Variants in USP48 observed in about 807,000 individuals in gnomAD.
USP48 encodes the protein ubiquitin specific peptidase 48, also known as ubiquitin carboxyl-terminal hydrolase 48.
In USP48, 43 loss-of-function variants were observed where a neutral mutation model predicts 150.7. The ratio of observed to expected loss-of-function variants is 0.29; its 90% confidence interval spans 0.22 to 0.37. USP48 has a LOEUF of 0.37. Among genes scored for constraint, USP48 ranks in the 10% least tolerant of loss-of-function variants. The probability of loss-of-function intolerance (pLI) is 1.00; values close to 1 mark genes in which losing one functional copy is unlikely to be tolerated. For synonymous variants in USP48, 396 were observed against 425.9 expected, an observed-to-expected ratio of 0.93 and a Z score of 0.86; for missense variants, 813 against 1,249.6, an observed-to-expected ratio of 0.65 and a Z score of 5.27.
At chr1:21,706,095 A>G in intron 18 of USP48, 31 bp downstream of exon 18, 1 of 1,605,908 alleles carries the variant, frequency 6.2e-7, no homozygotes, top group Non-Finnish European at 8.5e-7. Flanking sequence ...ATCAGTAACA[A>G]TAAAGGAAAT....
intron 6 of USP48, among the ~76,000 whole-genome samples, chr1:21,751,049 A>T (rs1182487015): frequency 6.6e-6 from 1 of 152,228 alleles, no homozygotes; most frequent in East Asian, 1.9e-4. Context: ...GCTTGACAAC[A>T]AAGGGTTCCT....
intron 3 of USP48, among the ~76,000 whole-genome samples, chr1:21,756,194 G>A (rs955295505): frequency 3.3e-5 from 5 of 150,986 alleles, no homozygotes; most frequent in African/African-American, 9.7e-5. Context: ...AATAAAATAA[G>A]TTTAGGCTAG....
intron 23 of USP48, among the ~76,000 whole-genome samples, chr1:21,690,510 T>TTCTTTC (rs2097595033): frequency 6.6e-6 from 1 of 151,434 alleles, no homozygotes; most frequent in South Asian, 2.1e-4. Flanking sequence ...AAATTCTTTC[T>TTCTTTC]TTTTTCTTTT....
chr1:21,755,578 AC>A (rs1557579010), intron 3 of USP48, among the ~76,000 whole-genome samples: 1 of 151,902 alleles, frequency 6.6e-6, no homozygotes, highest in Non-Finnish European at 1.5e-5. Flanking sequence ...ATAAAAAAAA[AC>A]CTTTTCTGTT....
chr1:21,773,966 C>T (rs1007277015), intron 1 of USP48, among the ~76,000 whole-genome samples: 3 of 151,954 alleles, frequency 2.0e-5, no homozygotes, highest in African/African-American at 7.3e-5. Context: ...AGCAAGACCC[C>T]ATCTCTATTT....
At chr1:21,764,180 G>C (rs1417401272) in intron 1 of USP48, among the ~76,000 whole-genome samples, 1 of 152,146 alleles carries the variant, frequency 6.6e-6, no homozygotes, top group Non-Finnish European at 1.5e-5. Flanking sequence ...GTTCACACCT[G>C]TAGTCCCAGC....
chr1:21,739,373 G>C (rs569692839), intron 8 of USP48, among the ~76,000 whole-genome samples: 2 of 151,996 alleles, frequency 1.3e-5, no homozygotes, highest in African/African-American at 2.4e-5. Flanking sequence ...ACAAAAATTA[G>C]TCAAGCATGG....
At chr1:21,767,692 A>G (rs551966492) in intron 1 of USP48, among the ~76,000 whole-genome samples, 1 of 151,824 alleles carries the variant, frequency 6.6e-6, no homozygotes, top group African/African-American at 2.4e-5. Flanking sequence ...GCTTACAAAT[A>G]AATTGTTTTT....
intron 12 of USP48, among the ~76,000 whole-genome samples, chr1:21,723,422 G>A (rs1271759896): frequency 6.6e-6 from 1 of 151,498 alleles, no homozygotes; most frequent in Non-Finnish European, 1.5e-5. Flanking sequence ...CGGGAGGCTC[G>A]AGAATCACTT....
At chr1:21,699,904 ACCACAGAGATGTCCCCG>A (rs201752645) in intron 22 of USP48, among the ~76,000 whole-genome samples, 260 of 151,504 alleles carry the variant, frequency 1.7e-3, no homozygotes, top group African/African-American at 5.9e-3. Flanking sequence ...GCTTGTATAG[ACCACAGAGATGTCCCCG>A]CCACAGAGAT....
intron 15 of USP48, among the ~76,000 whole-genome samples, chr1:21,714,525 G>C (rs958307992): frequency 6.6e-6 from 1 of 152,138 alleles, no homozygotes; most frequent in South Asian, 2.1e-4. Flanking sequence ...AGCCTTCCTA[G>C]TAGCTGGGAT....
chr1:21,732,997 G>A (rs1297319935), intron 9 of USP48, among the ~76,000 whole-genome samples: 2 of 152,098 alleles, frequency 1.3e-5, no homozygotes, highest in Non-Finnish European at 2.9e-5. Context: ...CCTATGCTTG[G>A]ATGTTAAACA....
chr1:21,768,998 G>A (rs941090311), intron 1 of USP48, among the ~76,000 whole-genome samples: 12 of 152,038 alleles, frequency 7.9e-5, no homozygotes, highest in Non-Finnish European at 1.3e-4. Flanking sequence ...ACACAGTCTC[G>A]TCATGTATTT....
intron 1 of USP48, among the ~76,000 whole-genome samples, chr1:21,780,865 C>A (rs1056909914): frequency 6.6e-6 from 1 of 150,462 alleles, no homozygotes; most frequent in African/African-American, 2.4e-5. Flanking sequence ...CCTCAGCCAC[C>A]CCAGTAGCTG....
intron 13 of USP48, 45 bp downstream of exon 13, chr1:21,721,604 GA>G (rs752287409): frequency 8.0e-7 from 1 of 1,255,326 alleles, no homozygotes; most frequent in East Asian, 2.6e-5. Context: ...ATGACCTCTT[GA>G]AAACTTCTTA....
At chr1:21,762,750 T>C (rs1237114980) in intron 1 of USP48, among the ~76,000 whole-genome samples, 2 of 150,396 alleles carry the variant, frequency 1.3e-5, no homozygotes, top group Admixed American at 6.7e-5. Flanking sequence ...CCTGTAATCC[T>C]GGCTACTCAG....
At chr1:21,716,617 T>C (rs916637633) in intron 14 of USP48, among the ~76,000 whole-genome samples, 2 of 152,260 alleles carry the variant, frequency 1.3e-5, no homozygotes, top group Non-Finnish European at 2.9e-5. Flanking sequence ...CTTTTGCTGT[T>C]AACATTTCTC....
chr1:21,781,057 A>C (rs1163308898), intron 1 of USP48, among the ~76,000 whole-genome samples: 1 of 150,276 alleles, frequency 6.7e-6, no homozygotes, highest in African/African-American at 2.4e-5. Flanking sequence ...TTTTCTTTTA[A>C]AATTTTTATT....
intron 22 of USP48, among the ~76,000 whole-genome samples, chr1:21,697,564 G>A (rs1309130575): frequency 6.6e-6 from 1 of 151,600 alleles, no homozygotes; most frequent in Non-Finnish European, 1.5e-5. Context: ...TTGGGAGGCT[G>A]AGGCAGGAGA....
Sources: gnomAD v4.1 joint callset for allele counts (sites outside exome capture counted in the v4.1 genomes callset) on GRCh38, gnomAD v4.1.1 for gene constraint, MANE v1.5 for transcripts, NCBI Gene and HGNC (gene_info 2026-07-23, HGNC 2026-07-21) for gene names.